The following MMS22L variants were observed in gnomAD, a reference collection of about 807,000 sequenced individuals.
MMS22L encodes MMS22 like, DNA repair protein.
In MMS22L, 74 loss-of-function variants were observed where a neutral mutation model predicts 159.1. That is an observed-to-expected ratio of 0.47 (90% CI 0.39 to 0.56). The LOEUF (loss-of-function observed/expected upper bound fraction) is 0.56. Ranked by LOEUF, MMS22L falls within the 20% of genes least tolerant of loss-of-function variation. The probability of loss-of-function intolerance (pLI) is 0.00; values close to 1 mark genes in which losing one functional copy is unlikely to be tolerated. For missense variants in MMS22L, 1,351 were observed against 1,422.1 expected (o/e 0.95, Z 0.80); for synonymous variants, 517 against 506.9 (o/e 1.02, Z -0.27).
chr6:97,223,137 A>G (rs1809829603), intron 14 of MMS22L, among the ~76,000 whole-genome samples: 2 of 152,220 alleles, frequency 1.3e-5, no homozygotes, highest in South Asian at 2.1e-4. Context: ...ATATGAAGTT[A>G]TTATTCCTAA....
rs775725890 is a variant in MMS22L at position 97,142,773 on chromosome 6, GA to G, written c.*4032del. The G allele has an allele frequency of 5.9e-5, 9 of 152,118 alleles. No homozygotes were observed. The highest frequency in any genetic ancestry group is 1.2e-4 in the Non-Finnish European group (8 of 67,986). 9.4% of individuals were successfully genotyped at this position (152,118 alleles called of 1,614,324 possible). ...AATTTTTAACTGTCAAAGATTCTGT[GA>G]AAGTACACAGAAGCAGGTCCGTGTA... On this transcript the variant is annotated 3_prime_UTR_variant, in exon 25 of 25. Transcript: ENST00000683635.
At chr6:97,243,225 G>C (rs1409398611) in intron 11 of MMS22L, among the ~76,000 whole-genome samples, 1 of 151,888 alleles carries the variant, frequency 6.6e-6, no homozygotes, top group Non-Finnish European at 1.5e-5. Flanking sequence ...TCTTAGGTTT[G>C]GTCACTTAAC....
chr6:97,152,107 A>G (rs992962448), intron 22 of MMS22L, among the ~76,000 whole-genome samples: 2 of 152,336 alleles, frequency 1.3e-5, no homozygotes, highest in South Asian at 4.1e-4. Flanking sequence ...TAATACATGA[A>G]GACCTATTTT....
chr6:97,150,993 TC>T (rs1464888599), intron 23 of MMS22L, among the ~76,000 whole-genome samples: 1 of 152,168 alleles, frequency 6.6e-6, no homozygotes, highest in Non-Finnish European at 1.5e-5. Context: ...AGTCCATGCT[TC>T]ACAAATTAAA....
chr6:97,281,176 C>A, intron 3 of MMS22L, 61 bp downstream of exon 3: 1 of 1,511,020 alleles, frequency 6.6e-7, no homozygotes, highest in Non-Finnish European at 8.9e-7. Context: ...AGCCACCCAA[C>A]AACGTAATTT....
At chr6:97,180,097 T>TG (rs1804553475) in intron 16 of MMS22L, among the ~76,000 whole-genome samples, 1 of 148,904 alleles carries the variant, frequency 6.7e-6, no homozygotes, top group Non-Finnish European at 1.5e-5. Context: ...CTAAACTTGG[T>TG]TTTTTTTTTC....
intron 11 of MMS22L, chr6:97,246,052 G>A (rs997116243): frequency 1.1e-5 from 3 of 266,852 alleles, no homozygotes; most frequent in Non-Finnish European, 2.3e-5. Context: ...ACTTTACAGG[G>A]CTTCCATACA....
At chr6:97,193,626 C>A (rs1353209113) in intron 14 of MMS22L, among the ~76,000 whole-genome samples, 7 of 152,214 alleles carry the variant, frequency 4.6e-5, no homozygotes, top group African/African-American at 1.4e-4. Flanking sequence ...TATCTTTCTA[C>A]AAATTTACTA....
At chr6:97,282,633 AAAAC>A in intron 1 of MMS22L, 80 bp from the exon 2 acceptor site, 1 of 512,298 alleles carries the variant, frequency 2.0e-6, no homozygotes, top group South Asian at 2.9e-5. Context: ...GCAGGAAGGA[AAAAC>A]AAACGAACAA....
At chr6:97,151,513 CAT>C (rs780147160) in intron 23 of MMS22L, 7 of 397,614 alleles carry the variant, frequency 1.8e-5, no homozygotes, top group Non-Finnish European at 3.3e-5. Context: ...TTAAGAGACA[CAT>C]GACTGTTCAT....
At chr6:97,165,565 T>A in intron 20 of MMS22L, 108 bp from the exon 21 acceptor site, 2 of 933,070 alleles carry the variant, frequency 2.1e-6, no homozygotes, top group Admixed American at 5.4e-5. Flanking sequence ...TGTGAGAATA[T>A]AAAAATCAAA....
chr6:97,148,261 TAAGA>T (rs1360990579), intron 24 of MMS22L, among the ~76,000 whole-genome samples: 3 of 152,196 alleles, frequency 2.0e-5, no homozygotes, highest in East Asian at 1.9e-4. Flanking sequence ...TACTTGATAA[TAAGA>T]AAGAATGTTA....
intron 15 of MMS22L, among the ~76,000 whole-genome samples, chr6:97,185,452 T>G (rs1485497412): frequency 6.6e-6 from 1 of 152,204 alleles, no homozygotes; most frequent in Non-Finnish European, 1.5e-5. Context: ...AAGACAGCAC[T>G]GACTGAACTG....
chr6:97,175,514 G>A (rs1365935709), intron 18 of MMS22L, among the ~76,000 whole-genome samples: 2 of 152,216 alleles, frequency 1.3e-5, no homozygotes, highest in South Asian at 2.1e-4. Context: ...TTTATATTCT[G>A]TTAAATTAAA....
At chr6:97,282,767 G>A (rs1816881949) in intron 1 of MMS22L, among the ~76,000 whole-genome samples, 1 of 152,120 alleles carries the variant, frequency 6.6e-6, no homozygotes, top group Non-Finnish European at 1.5e-5. Flanking sequence ...CCACTAAGTC[G>A]GGCTCTGCAG....
chr6:97,156,374 A>G (rs1464174881), intron 22 of MMS22L, among the ~76,000 whole-genome samples: 1 of 152,188 alleles, frequency 6.6e-6, no homozygotes, highest in African/African-American at 2.4e-5. Context: ...TTGGTGTTTT[A>G]GTCATGAAGT....
rs146228582 is a variant in MMS22L at position 97,263,659 on chromosome 6, A to C, written c.829-211T>G. 1,054 of 371,138 alleles carry C rather than the reference A, an allele frequency of 2.8e-3. 15 individuals carry two copies. The highest frequency in any genetic ancestry group is 0.02 in the African/African-American group (956 of 47,218). 23.0% of individuals were successfully genotyped at this position (371,138 alleles called of 1,614,324 possible). Reference sequence around the variant, plus strand: ...AAAAGCACAGATTAATTTGATTTCAACTTAAAAAAAAATTTTAATCATCTA... The same window carrying C: ...AAAAGCACAGATTAATTTGATTTCACCTTAAAAAAAAATTTTAATCATCTA... On this transcript the variant is annotated intron_variant, in intron 8 of 24. Transcript: ENST00000683635.
chr6:97,250,640 TTACAGGCC>T (rs1813142528), intron 10 of MMS22L, among the ~76,000 whole-genome samples: 1 of 152,186 alleles, frequency 6.6e-6, no homozygotes, highest in Non-Finnish European at 1.5e-5. Context: ...CAGATTTTTC[TTACAGGCC>T]TACACTAAGA....
At chr6:97,266,458 T>G (rs893712153) in intron 8 of MMS22L, 4 of 152,366 alleles carry the variant, frequency 2.6e-5, no homozygotes, top group African/African-American at 9.6e-5. Context: ...ATGTGGTTTA[T>G]ATACACAATG....
Sources: gnomAD v4.1 joint callset for allele counts (sites outside exome capture counted in the v4.1 genomes callset) on GRCh38, gnomAD v4.1.1 for gene constraint, MANE v1.5 for transcripts, NCBI Gene and HGNC (gene_info 2026-07-23, HGNC 2026-07-21) for gene names.